NUP50: variants seen among roughly 807,000 people sequenced by gnomAD.
NUP50 encodes the protein nuclear pore complex protein Nup50.
NUP50 carries 14 observed loss-of-function variants against 36.8 expected under a neutral mutation model. That is an observed-to-expected ratio of 0.38 (90% CI 0.25 to 0.59). The LOEUF is 0.59. Ranked by LOEUF, NUP50 falls within the 20% of genes least tolerant of loss-of-function variation. The probability of loss-of-function intolerance (pLI) is 0.63; values close to 1 mark genes in which losing one functional copy is unlikely to be tolerated. For synonymous variants in NUP50, 195 were observed against 210.8 expected (o/e 0.93, Z 0.65); for missense variants, 455 against 564.6 (o/e 0.81, Z 1.97).
At chr22:45,181,501 CAGGAAAGAAT>C in intron 6 of NUP50, 134 bp downstream of exon 6, 1 of 159,554 alleles carries the variant, frequency 6.3e-6, no homozygotes, top group Non-Finnish European at 1.3e-5. Flanking sequence ...TCAAGTGGAA[CAGGAAAGAAT>C]TCTTGGCCAG....
intron 6 of NUP50, 75 bp downstream of exon 6, chr22:45,181,442 C>CA (rs2074370755): frequency 3.4e-6 from 3 of 878,900 alleles, no homozygotes; most frequent in Non-Finnish European, 3.4e-6. Flanking sequence ...AGAATGTCCT[C>CA]ACGGCACTTG....
At chr22:45,173,655 A>G (rs1188740392) in intron 3 of NUP50, among the ~76,000 whole-genome samples, 1 of 152,162 alleles carries the variant, frequency 6.6e-6, no homozygotes, top group African/African-American at 2.4e-5. Flanking sequence ...GGAGGCATGC[A>G]GGTGGAGGGT....
intron 6 of NUP50, among the ~76,000 whole-genome samples, chr22:45,182,258 T>C (rs560410891): frequency 2.2e-4 from 33 of 152,018 alleles, no homozygotes; most frequent in African/African-American, 8.0e-4. Flanking sequence ...CTGGCCAACA[T>C]GGTGAAATCC....
intron 3 of NUP50, among the ~76,000 whole-genome samples, chr22:45,173,408 G>T (rs1449196275): frequency 1.3e-5 from 2 of 151,132 alleles, no homozygotes; most frequent in Non-Finnish European, 2.9e-5. Flanking sequence ...GTAGACGTAG[G>T]TGTTGAGCTG....
chr22:45,173,431 T>A (rs2074229004), intron 3 of NUP50, among the ~76,000 whole-genome samples: 1 of 151,610 alleles, frequency 6.6e-6, no homozygotes, highest in Non-Finnish European at 1.5e-5. Context: ...TGATATTTGA[T>A]GGCTCTTTCA....
At chr22:45,174,327 G>A (rs1235303025) in intron 3 of NUP50, among the ~76,000 whole-genome samples, 4 of 151,948 alleles carry the variant, frequency 2.6e-5, no homozygotes, top group South Asian at 2.1e-4. Flanking sequence ...ACAGGCATGC[G>A]CCACCACACC....
At chr22:45,167,797 G>A (rs115961816) in intron 1 of NUP50, among the ~76,000 whole-genome samples, 4,084 of 152,262 alleles carry the variant, frequency 0.027, 160 homozygotes, top group African/African-American at 0.092. Flanking sequence ...CTTTCAGTAT[G>A]TATATGCGTA....
In NUP50 at chr22:45,178,580, C is replaced by G. The variant is rs749516635; in HGVS notation, c.683C>G (p.Thr228Arg). 15 of 1,611,698 alleles carry G rather than the reference C, an allele frequency of 9.3e-6. No individual in the cohort carries two copies. Among genetic ancestry groups the G allele is most frequent in the Non-Finnish European group, 1.3e-5 (15 of 1,179,802 alleles). ...ETQSPSLFGS[T>R]KLQQESTFLF... ...CAGTCTCCTTCCCTTTTTGGCTCAA[C>G]AAAATTACAGCAAGAGTCAACGTTT... The change falls in exon 5 of 8, where the codon ACA becomes AGA. Residue 228 changes from threonine (T) to arginine (R), a missense_variant. Thr to Arg is a moderately conservative substitution (Grantham distance 71). This residue lies in a region of NUP50 where 287 missense variants were observed against 345.5 expected (regional missense o/e 0.83). Coordinates refer to ENST00000347635, the MANE Select transcript of NUP50 (RefSeq NM_007172.4).
chr22:45,178,128 T>TGGGG, intron 4 of NUP50, 110 bp from the exon 5 acceptor site: 1 of 946,704 alleles, frequency 1.1e-6, no homozygotes, highest in Non-Finnish European at 1.6e-6. Flanking sequence ...TGTCTTGGTG[T>TGGGG]GGGGGGAGAT....
At chr22:45,171,129 C>A in intron 2 of NUP50, 1 of 1,243,040 alleles carries the variant, frequency 8.0e-7, no homozygotes, top group East Asian at 6.0e-5. Flanking sequence ...GCCTCCGTGG[C>A]CTTTCGTACA....
intron 3 of NUP50, among the ~76,000 whole-genome samples, chr22:45,175,467 A>G (rs2074262003): frequency 6.6e-6 from 1 of 152,112 alleles, no homozygotes; most frequent in South Asian, 2.1e-4. Flanking sequence ...TTTTTAGTTA[A>G]CCTACCTTGA....
At chr22:45,170,055 T>G (rs2074161456) in intron 2 of NUP50, among the ~76,000 whole-genome samples, 3 of 152,206 alleles carry the variant, frequency 2.0e-5, no homozygotes, top group East Asian at 1.9e-4. Flanking sequence ...AAGAAAATGC[T>G]GACGTACGCC....
chr22:45,184,941 AGGACTG>A lies in NUP50; in HGVS notation c.*287_*292del, dbSNP rs2074446179. The A allele has an allele frequency of 2.4e-6, 1 of 418,732 alleles. No individual in the cohort carries two copies. The highest frequency in any genetic ancestry group is 4.4e-6 in the Non-Finnish European group (1 of 227,918). The allele number at this position is 418,732 out of a possible 1,614,324, so 25.9% of individuals were successfully genotyped here. A position where few individuals can be genotyped will look rare whatever the true frequency, so the allele number is the denominator to read the frequency against. ...AAACTAACCCTAAGTGATTTCTTCA[AGGACTG>A]CAATCAGGGTATCAATTTGCTTTCC... On this transcript the variant is annotated 3_prime_UTR_variant, in exon 8 of 8. Coordinates refer to ENST00000347635, the MANE Select transcript of NUP50 (RefSeq NM_007172.4).
intron 5 of NUP50, chr22:45,180,121 A>G (rs1308214644): frequency 6.6e-6 from 1 of 152,092 alleles, no homozygotes; most frequent in Non-Finnish European, 1.5e-5. Flanking sequence ...ACAAATGGGG[A>G]GTCTTTCCTG....
intron 2 of NUP50, 84 bp downstream of exon 2, chr22:45,168,330 C>A: frequency 9.7e-7 from 1 of 1,029,726 alleles, no homozygotes; most frequent in South Asian, 1.4e-5. Flanking sequence ...AGACTTGTGA[C>A]AGAACTAAAA....
In NUP50 at chr22:45,175,347, C is replaced by T. The variant is rs547864462; in HGVS notation, c.154-547C>T. On this transcript the variant is annotated intron_variant, in intron 3 of 7. Transcript: ENST00000347635. Reference sequence around the variant, plus strand: ...GGAAAAGGAGAGTAAGAAGTTGTCCCGGGTTGTTCAGCTAACAGGAACATG... The same window carrying T: ...GGAAAAGGAGAGTAAGAAGTTGTCCTGGGTTGTTCAGCTAACAGGAACATG... Among the ~76,000 whole-genome samples the T allele has an allele frequency of 3.9e-5, 6 of 152,262 alleles. No homozygotes were observed. The East Asian group carries it at 7.7e-4, about 20-fold the overall frequency.
chr22:45,181,437 G>A (rs1021169843), intron 6 of NUP50, 70 bp downstream of exon 6: 2 of 987,050 alleles, frequency 2.0e-6, no homozygotes, highest in African/African-American at 3.4e-5. Flanking sequence ...GCTGGAGAAT[G>A]TCCTCACGGC....
intron 4 of NUP50, chr22:45,177,569 A>C (rs17548742): frequency 0.14 from 21,820 of 152,390 alleles, 2,019 homozygotes; most frequent in Middle Eastern, 0.24. Context: ...TTGGGGATTA[A>C]GTGTTAATGC....
chr22:45,171,314 C>T, intron 2 of NUP50: 1 of 577,284 alleles, frequency 1.7e-6, no homozygotes, highest in East Asian at 5.9e-5. Context: ...ATTCTCCTGC[C>T]TCAGCCTCCC....
Sources: allele counts gnomAD v4.1 joint callset (sites outside exome capture counted in the v4.1 genomes callset), GRCh38; gene constraint gnomAD v4.1.1; regional missense constraint gnomAD v4.1.1; transcripts MANE v1.5; gene names NCBI Gene and HGNC (gene_info 2026-07-23, HGNC 2026-07-21).